DIAPH2: variants seen among roughly 807,000 people sequenced by gnomAD.
DIAPH2 encodes the protein protein diaphanous homolog 2.
Under a neutral mutation model 92.7 loss-of-function variants are expected in DIAPH2, and 35 were observed. The observed-to-expected ratio is 0.38, with a 90% CI of 0.29 to 0.50. DIAPH2 has a LOEUF of 0.50. Ranked by LOEUF, DIAPH2 falls within the 20% of genes least tolerant of loss-of-function variation. DIAPH2 has a pLI of 0.94. For missense variants in DIAPH2, 701 were observed against 819.5 expected (o/e 0.86, Z 1.77); for synonymous variants, 301 against 280.4 (o/e 1.07, Z -0.73).
At chrX:97,231,994 A>G (rs890439389) in intron 22 of DIAPH2, among the ~76,000 whole-genome samples, 1 of 111,834 alleles carries the variant, frequency 8.9e-6, no homozygotes, top group Non-Finnish European at 1.9e-5. Flanking sequence ...ATGCCTCAAT[A>G]TACAACTTGG....
intron 23 of DIAPH2, among the ~76,000 whole-genome samples, chrX:97,269,013 C>T (rs909882210): frequency 9.1e-6 from 1 of 109,439 alleles, no homozygotes. Flanking sequence ...CTCACCACCA[C>T]GCCCGGCTAA....
At chrX:96,907,876 T>C (rs1243123536) in intron 5 of DIAPH2, among the ~76,000 whole-genome samples, 4 of 111,929 alleles carry the variant, frequency 3.6e-5, no homozygotes, top group Non-Finnish European at 5.6e-5. Flanking sequence ...TGGGGACAAC[T>C]GAAATACTCA....
intron 26 of DIAPH2, among the ~76,000 whole-genome samples, chrX:97,549,313 C>T (rs1346548865): frequency 9.0e-6 from 1 of 111,521 alleles, no homozygotes; most frequent in East Asian, 2.8e-4. Context: ...TGCATAAACA[C>T]ATTCAAACTA....
At chrX:96,827,678 A>G (rs1462904149) in intron 4 of DIAPH2, among the ~76,000 whole-genome samples, 1 of 111,851 alleles carries the variant, frequency 8.9e-6, no homozygotes, top group Non-Finnish European at 1.9e-5. Flanking sequence ...ATCTATTGTT[A>G]TTTTCTGATT....
intron 17 of DIAPH2, among the ~76,000 whole-genome samples, chrX:97,028,009 C>G (rs1306117876): frequency 8.9e-6 from 1 of 112,010 alleles, no homozygotes. Context: ...AATGCTGTGG[C>G]AATGTCATAT....
chrX:96,993,914 A>G (rs937482465), intron 17 of DIAPH2, among the ~76,000 whole-genome samples: 2 of 111,785 alleles, frequency 1.8e-5, no homozygotes, highest in Admixed American at 9.5e-5. Context: ...GGACAAGGGT[A>G]TGATAAAGTG....
intron 23 of DIAPH2, among the ~76,000 whole-genome samples, chrX:97,281,743 C>CA (rs768094230): frequency 1.9e-3 from 142 of 75,896 alleles, no homozygotes; most frequent in African/African-American, 3.1e-3. Flanking sequence ...GACTCCGTCT[C>CA]AAAAAAAAAA....
chrX:97,100,629 C>A (rs930125938), intron 20 of DIAPH2, among the ~76,000 whole-genome samples: 2 of 111,783 alleles, frequency 1.8e-5, no homozygotes, highest in African/African-American at 6.5e-5. Context: ...ATTATGGTCA[C>A]CAACTTTACC....
rs1569436557 is a variant in DIAPH2, at chrX:96,962,370, TATATATATACAC to T, written c.1936-2689_1936-2678del. Among the ~76,000 whole-genome samples the T allele has an allele frequency of 5.6e-4, 29 of 51,670 alleles. 1 individual carries two copies. The highest frequency in any genetic ancestry group is 2.4e-3 in the East Asian group (5 of 2,116). The allele number at this position is 51,670 out of a possible 115,157, so 44.9% of individuals were successfully genotyped here. A position where few individuals can be genotyped will look rare whatever the true frequency, so the allele number is the denominator to read the frequency against. ...ATATATACACATATATATATACACA[TATATATATACAC>T]ATATATATACACATATATATACACA... On this transcript the variant is annotated intron_variant, in intron 16 of 26. Transcript: ENST00000324765.
At chrX:97,256,961 C>G (rs924559105) in intron 23 of DIAPH2, among the ~76,000 whole-genome samples, 28 of 106,009 alleles carry the variant, frequency 2.6e-4, no homozygotes, top group African/African-American at 8.6e-4. Context: ...CCACACCCAG[C>G]CTTTCTTCTG....
At chrX:97,488,763 C>T (rs1461865319) in intron 26 of DIAPH2, among the ~76,000 whole-genome samples, 1 of 111,964 alleles carries the variant, frequency 8.9e-6, no homozygotes, top group Non-Finnish European at 1.9e-5. Flanking sequence ...ACCATATATG[C>T]ATGGATATAT....
At chrX:97,009,233 T>C (rs1380287729) in intron 17 of DIAPH2, among the ~76,000 whole-genome samples, 1 of 111,070 alleles carries the variant, frequency 9.0e-6, no homozygotes, top group Non-Finnish European at 1.9e-5. Flanking sequence ...AAATACTGCT[T>C]GACTACTTTG....
chrX:97,266,358 AG>A (rs745777669), intron 23 of DIAPH2, among the ~76,000 whole-genome samples: 1 of 112,342 alleles, frequency 8.9e-6, no homozygotes, highest in African/African-American at 3.2e-5. Flanking sequence ...ATGTTTCATA[AG>A]GACTCATTGC....
chrX:97,358,762 GA>G (rs963094848), intron 24 of DIAPH2, among the ~76,000 whole-genome samples: 16 of 109,720 alleles, frequency 1.5e-4, no homozygotes, highest in Non-Finnish European at 2.7e-4. Flanking sequence ...ATACCAAAAA[GA>G]AAAAAAACTG....
rs969226624 is a variant in DIAPH2, at chrX:97,602,461, A to G, written c.*3144A>G. 8.9e-6 allele frequency: 1 copy of G among 112,730 alleles called. No homozygotes were observed. The highest frequency in any genetic ancestry group is 3.2e-5 in the African/African-American group (1 of 31,026). 9.3% of individuals were successfully genotyped at this position (112,730 alleles called of 1,213,427 possible). On this transcript the variant is annotated 3_prime_UTR_variant, in exon 27 of 27. Transcript: ENST00000324765. ...TCAAATTACAATGGTGGGAACAGGC[A>G]TAGGATAACAGTTACAGACATTTCT...
chrX:97,471,746 A>C (rs2147810077), intron 26 of DIAPH2, among the ~76,000 whole-genome samples: 1 of 107,963 alleles, frequency 9.3e-6, no homozygotes, highest in African/African-American at 3.4e-5. Flanking sequence ...GGAGGACTTT[A>C]ACATTTCTTG....
chrX:97,249,647 T>C (rs965135507), intron 23 of DIAPH2, among the ~76,000 whole-genome samples: 1 of 112,050 alleles, frequency 8.9e-6, no homozygotes, highest in Non-Finnish European at 1.9e-5. Flanking sequence ...TGGTCACCCA[T>C]TGAGAGTTTC....
chrX:97,101,362 G>A (rs929901526), intron 20 of DIAPH2, among the ~76,000 whole-genome samples: 2 of 110,872 alleles, frequency 1.8e-5, no homozygotes, highest in East Asian at 2.8e-4. Flanking sequence ...GTTTGGGGAC[G>A]TAAAAAGCAA....
At chrX:97,395,593 C>T (rs1292547707) in intron 25 of DIAPH2, among the ~76,000 whole-genome samples, 2 of 111,333 alleles carry the variant, frequency 1.8e-5, no homozygotes, top group African/African-American at 6.5e-5. Flanking sequence ...TTCCTGTAGC[C>T]TATTTGAGCC....
Sources: gnomAD v4.1 joint callset for allele counts (sites outside exome capture counted in the v4.1 genomes callset) on GRCh38, gnomAD v4.1.1 for gene constraint, MANE v1.5 for transcripts, NCBI Gene and HGNC (gene_info 2026-07-23, HGNC 2026-07-21) for gene names.